Variants in RABEPK observed in about 807,000 individuals in gnomAD.
RABEPK encodes Rab9 effector protein with kelch motifs.
Under a neutral mutation model 34.1 loss-of-function variants are expected in RABEPK, and 27 were observed. The observed-to-expected ratio is 0.79, with a 90% CI of 0.58 to 1.09. The LOEUF is 1.09. Among genes scored for constraint, RABEPK ranks in the 50% least tolerant of loss-of-function variants. The probability of loss-of-function intolerance (pLI) is 0.00; values close to 1 mark genes in which losing one functional copy is unlikely to be tolerated. For missense variants in RABEPK, 449 were observed against 462.6 expected (o/e 0.97, Z 0.27); for synonymous variants, 172 against 169.2 (o/e 1.02, Z -0.13).
intron 5 of RABEPK, among the ~76,000 whole-genome samples, chr9:125,222,586 C>T (rs1173007664): frequency 1.3e-5 from 2 of 151,488 alleles, no homozygotes; most frequent in East Asian, 1.9e-4. Context: ...TGGTGACGCA[C>T]ACCTGTAATC....
intron 5 of RABEPK, chr9:125,222,438 T>C (rs1036674814): frequency 6.6e-6 from 1 of 151,748 alleles, no homozygotes; most frequent in Admixed American, 6.6e-5. Flanking sequence ...TCAAACCAGA[T>C]GTGGTGGCTC....
intron 3 of RABEPK, 61 bp downstream of exon 3, chr9:125,207,782 A>G: frequency 6.3e-7 from 1 of 1,579,644 alleles, no homozygotes; most frequent in South Asian, 1.1e-5. Context: ...GTGTGCTGCT[A>G]GCCATGAGCA....
chr9:125,220,592 A>G lies in RABEPK; in HGVS notation c.418A>G (p.Thr140Ala). The G allele has an allele frequency of 6.2e-7, 1 of 1,614,166 alleles. No individual in the cohort carries two copies. The highest frequency in any genetic ancestry group is 8.5e-7 in the Non-Finnish European group (1 of 1,180,024). ...GACCAGCCCCCCACCATCCCCAAGA[A>G]CATTCCACACATCATCGGCAGCCAT... ...EVTSPPPSPR[T>A]FHTSSAAIGN... The change falls in exon 5 of 8, where the codon ACA (threonine) becomes GCA (alanine). Residue 140 changes from threonine (T) to alanine (A), a missense_variant. Coordinates refer to ENST00000373538, the MANE Select transcript of RABEPK (RefSeq NM_005833.4).
At chr9:125,203,750 G>T (rs563150635) in intron 2 of RABEPK, among the ~76,000 whole-genome samples, 4 of 152,182 alleles carry the variant, frequency 2.6e-5, no homozygotes, top group African/African-American at 9.6e-5. Flanking sequence ...TCAGACTCCT[G>T]GGCTGGGCAC....
At chr9:125,213,558 C>A in intron 4 of RABEPK, 36 bp downstream of exon 4, 1 of 1,568,372 alleles carries the variant, frequency 6.4e-7, no homozygotes. Flanking sequence ...TACGTACATA[C>A]AAATAAACTT....
At chr9:125,210,018 T>G (rs2131377941) in intron 3 of RABEPK, among the ~76,000 whole-genome samples, 1 of 152,310 alleles carries the variant, frequency 6.6e-6, no homozygotes, top group African/African-American at 2.4e-5. Context: ...CATATTTTCC[T>G]CATCATTGTA....
At chr9:125,233,611 G>C (rs1832374322) in intron 7 of RABEPK, 77 bp from the exon 8 acceptor site, 6 of 1,468,672 alleles carry the variant, frequency 4.1e-6, no homozygotes, top group Non-Finnish European at 5.6e-6. Flanking sequence ...CAAAGTGCTG[G>C]GATTACAGGC....
At chr9:125,216,966 CAAA>C (rs564126096) in intron 4 of RABEPK, among the ~76,000 whole-genome samples, 11 of 72,328 alleles carry the variant, frequency 1.5e-4, no homozygotes, top group Admixed American at 6.2e-4. Context: ...GACACCGTCT[CAAA>C]AAAAAAAAAA....
chr9:125,225,450 CA>C (rs1831666045), intron 5 of RABEPK, among the ~76,000 whole-genome samples: 3 of 148,248 alleles, frequency 2.0e-5, no homozygotes, highest in Admixed American at 1.3e-4. Flanking sequence ...TTGGGAGGCC[CA>C]GGGGGGTGGA....
intron 4 of RABEPK, among the ~76,000 whole-genome samples, chr9:125,216,277 C>G (rs1434535301): frequency 1.3e-5 from 2 of 152,066 alleles, no homozygotes; most frequent in Non-Finnish European, 2.9e-5. Flanking sequence ...GAGTGAGACT[C>G]TCTCTCAAAA....
At chr9:125,218,168 AAATTAGCCGGGC>A (rs1831065685) in intron 4 of RABEPK, among the ~76,000 whole-genome samples, 1 of 151,468 alleles carries the variant, frequency 6.6e-6, no homozygotes, top group Non-Finnish European at 1.5e-5. Context: ...AAAATACAAA[AAATTAGCCGGGC>A]ATGGTGGCGG....
chr9:125,205,946 A>ACC (rs1554726384), intron 2 of RABEPK, among the ~76,000 whole-genome samples: 2 of 151,748 alleles, frequency 1.3e-5, no homozygotes, highest in African/African-American at 4.8e-5. Flanking sequence ...GGAAAAGAGA[A>ACC]TTGAGAATGA....
chr9:125,214,138 G>A (rs1564181511), intron 4 of RABEPK, among the ~76,000 whole-genome samples: 1 of 151,192 alleles, frequency 6.6e-6, no homozygotes, highest in South Asian at 2.1e-4. Flanking sequence ...AAAAGAAAAA[G>A]AAAAAAAAAT....
At chr9:125,232,504 T>G (rs934905363) in intron 6 of RABEPK, 92 bp from the exon 7 acceptor site, 9 of 1,376,044 alleles carry the variant, frequency 6.5e-6, no homozygotes, top group Non-Finnish European at 8.8e-6. Context: ...TGAATGACTT[T>G]CAGTGATTGG....
chr9:125,219,356 G>T (rs1259786492), intron 4 of RABEPK, among the ~76,000 whole-genome samples: 3 of 149,706 alleles, frequency 2.0e-5, no homozygotes, highest in Non-Finnish European at 4.5e-5. Flanking sequence ...CAGCCACTGT[G>T]CTCAGCCTAA....
intron 4 of RABEPK, among the ~76,000 whole-genome samples, chr9:125,216,903 G>A (rs1830965446): frequency 6.6e-6 from 1 of 151,348 alleles, no homozygotes; most frequent in Non-Finnish European, 1.5e-5. Context: ...GGAGGTGGAG[G>A]TTGCAGTGAG....
chr9:125,219,841 T>C (rs1368134021), intron 4 of RABEPK, among the ~76,000 whole-genome samples: 1 of 152,064 alleles, frequency 6.6e-6, no homozygotes, highest in Non-Finnish European at 1.5e-5. Context: ...CTGCCTACTT[T>C]CTTTTATTGG....
intron 2 of RABEPK, among the ~76,000 whole-genome samples, 187 bp downstream of exon 2, chr9:125,203,253 A>G (rs147243403): frequency 5.6e-4 from 86 of 152,314 alleles, no homozygotes; most frequent in African/African-American, 1.8e-3. Context: ...ATTATCACAG[A>G]GCAGATGTTA....
chr9:125,216,418 TAAA>T (rs1031641803), intron 4 of RABEPK, among the ~76,000 whole-genome samples: 4 of 146,724 alleles, frequency 2.7e-5, no homozygotes, highest in Non-Finnish European at 3.0e-5. Flanking sequence ...AAATTAAAAT[TAAA>T]AAAAAAAACT....
Sources: gnomAD v4.1 joint callset for allele counts (sites outside exome capture counted in the v4.1 genomes callset) on GRCh38, gnomAD v4.1.1 for gene constraint, MANE v1.5 for transcripts, NCBI Gene and HGNC (gene_info 2026-07-23, HGNC 2026-07-21) for gene names.